Variants in PCDHA3 observed in about 807,000 individuals in gnomAD.
PCDHA3 encodes the protein protocadherin alpha 3.
A neutral mutation model predicts 62.2 loss-of-function variants in PCDHA3; 41 were observed. The observed-to-expected ratio is 0.66, with a 90% CI of 0.51 to 0.86. PCDHA3 has a LOEUF of 0.86. Ranked by LOEUF, PCDHA3 falls within the 40% of genes least tolerant of loss-of-function variation. The probability of loss-of-function intolerance (pLI) is 0.00; values close to 1 mark genes in which losing one functional copy is unlikely to be tolerated. For missense variants in PCDHA3, 1,304 were observed against 1,241.2 expected, an observed-to-expected ratio of 1.05 and a Z score of -0.76; for synonymous variants, 640 against 555.4, an observed-to-expected ratio of 1.15 and a Z score of -2.14.
chr5:140,930,037 GC>G (rs2086548182), intron 1 of PCDHA3: 6 of 152,140 alleles, frequency 3.9e-5, no homozygotes, highest in African/African-American at 1.4e-4. Flanking sequence ...TTTTGTAACT[GC>G]TTTGGAGTTT....
chr5:140,871,358 A>T, intron 1 of PCDHA3: 6 of 1,614,208 alleles, frequency 3.7e-6, no homozygotes, highest in Non-Finnish European at 5.1e-6. Context: ...TACTCGCAGC[A>T]GAGGCGGCAG....
intron 1 of PCDHA3, chr5:140,875,825 A>G: frequency 6.2e-7 from 1 of 1,614,174 alleles, no homozygotes; most frequent in East Asian, 2.2e-5. Flanking sequence ...CAGGTTTTCC[A>G]TGTGGACGTG....
chr5:140,941,820 C>T (rs2093176252), intron 1 of PCDHA3, among the ~76,000 whole-genome samples: 1 of 152,160 alleles, frequency 6.6e-6, no homozygotes, highest in Non-Finnish European at 1.5e-5. Flanking sequence ...AGGATGACTG[C>T]TGTAAATAAT....
chr5:140,835,537 T>TTGCTCCCTG lies in PCDHA3; in HGVS notation c.2394+31947_2394+31948insGCTCCCTGT. On this transcript the variant is annotated intron_variant, in intron 1 of 3. Transcript: ENST00000522353. ...CGAGATTTTGGAGTCAACGGACAGG[T>TTGCTCCCTG]TACCTGCTCCCTGACGCCCCGCGTT... The TTGCTCCCTG allele has an allele frequency of 1.9e-6, 3 of 1,613,926 alleles. No individual in the cohort carries two copies. In the East Asian group the frequency reaches 6.7e-5, roughly 36 times the overall value.
chr5:140,838,077 A>AGT (rs2150283763), intron 1 of PCDHA3, among the ~76,000 whole-genome samples: 1,310 of 80,648 alleles, frequency 0.016, 14 homozygotes, highest in South Asian at 0.044. Context: ...ATATATATAT[A>AGT]GTGTGTGTGT....
intron 1 of PCDHA3, chr5:140,828,964 C>A: frequency 6.2e-7 from 1 of 1,614,150 alleles, no homozygotes. Flanking sequence ...TGGTTATTGA[C>A]CACTTTAGCA....
chr5:141,009,760 A>G lies in PCDHA3; in HGVS notation c.2676A>G (p.Gly892=), dbSNP rs782167920. The change falls in exon 4 of 4, where the codon GGA becomes GGG. Residue 892 remains glycine, a synonymous_variant. Coordinates refer to ENST00000522353, the MANE Select transcript of PCDHA3 (RefSeq NM_018906.3). ...GELPDKFIIP[G]SPAIISIRQE... ...TGCCCGACAAATTCATTATCCCAGGATCTCCTGCAATCATCTCCATCCGGC... is the reference window on the plus strand; with the variant it reads ...TGCCCGACAAATTCATTATCCCAGGGTCTCCTGCAATCATCTCCATCCGGC... 6.2e-7 allele frequency: 1 copy of G among 1,614,130 alleles called. No homozygotes were observed. Among genetic ancestry groups the G allele is most frequent in the Non-Finnish European group, 8.5e-7 (1 of 1,180,026 alleles).
In PCDHA3 at chr5:140,877,219, C is replaced by T. The variant is rs200698690; in HGVS notation, c.2394+73628C>T. 9 of 1,613,720 alleles carry T rather than the reference C, an allele frequency of 5.6e-6. No homozygotes were observed. Among genetic ancestry groups the T allele is most frequent in the East Asian group, 4.5e-5 (2 of 44,860 alleles). Reference sequence around the variant, plus strand: ...AGGCGCAGTTAGCGAGTTGGTACCGCGGTCGGTGGGTGCGGGCCACGTGGT... The same window carrying T: ...AGGCGCAGTTAGCGAGTTGGTACCGTGGTCGGTGGGTGCGGGCCACGTGGT... On this transcript the variant is annotated intron_variant, in intron 1 of 3. Transcript: ENST00000522353.
chr5:140,946,517 G>A (rs138420578), intron 1 of PCDHA3, among the ~76,000 whole-genome samples: 8 of 151,024 alleles, frequency 5.3e-5, no homozygotes, highest in Admixed American at 1.3e-4. Flanking sequence ...AGACCTATCC[G>A]CACTCCCATG....
intron 1 of PCDHA3, among the ~76,000 whole-genome samples, chr5:140,916,255 C>G (rs1161014900): frequency 6.6e-6 from 1 of 152,144 alleles, no homozygotes. Context: ...ACTTGGGGAC[C>G]CCAAGAGCAT....
At position 140,802,800 on chromosome 5, in the gene PCDHA3, G is replaced by T; in HGVS notation, c.1603G>T (p.Val535Leu). Residue 535 changes from valine (V) to leucine (L), a missense_variant, in exon 1 of 4, where the codon GTG (valine) becomes TTG (leucine). Val to Leu is a conservative substitution (Grantham distance 32, BLOSUM62 1). Transcript: ENST00000522353. The part of the protein sequence containing the change: ...HEELELLQFQ[V>L]SARDAGVPPL... ...GGAGCTAGAGCTGCTGCAGTTCCAG[G>T]TGAGTGCGCGCGATGCGGGCGTGCC... 1 of 1,613,520 alleles carries T rather than the reference G, an allele frequency of 6.2e-7. No individual in the cohort carries two copies. Among genetic ancestry groups the T allele is most frequent in the Non-Finnish European group, 8.5e-7 (1 of 1,179,926 alleles).
chr5:140,879,685 A>G (rs2058084553), intron 1 of PCDHA3, among the ~76,000 whole-genome samples: 1 of 152,266 alleles, frequency 6.6e-6, no homozygotes, highest in East Asian at 1.9e-4. Flanking sequence ...GCTGTAAAAC[A>G]GCAAAAGTTT....
intron 3 of PCDHA3, among the ~76,000 whole-genome samples, chr5:140,998,018 G>A (rs575495303): frequency 2.0e-5 from 3 of 152,170 alleles, no homozygotes; most frequent in Admixed American, 6.5e-5. Flanking sequence ...TCCCCACCTC[G>A]AGCTAGTGCT....
chr5:140,985,902 T>G (rs1026675848), intron 3 of PCDHA3, among the ~76,000 whole-genome samples: 2 of 151,212 alleles, frequency 1.3e-5, no homozygotes, highest in Non-Finnish European at 2.9e-5. Flanking sequence ...ACCACTCCCG[T>G]CTAATTTTTT....
chr5:140,938,875 C>T (rs2092238013), intron 1 of PCDHA3, among the ~76,000 whole-genome samples: 1 of 151,912 alleles, frequency 6.6e-6, no homozygotes. Flanking sequence ...AGTTAAGAAG[C>T]AACACACACA....
chr5:140,840,441 T>C (rs1163219857), intron 1 of PCDHA3, among the ~76,000 whole-genome samples: 1 of 151,848 alleles, frequency 6.6e-6, no homozygotes, highest in Non-Finnish European at 1.5e-5. Context: ...GCCGTGGAAA[T>C]AGAAACGTTA....
intron 1 of PCDHA3, chr5:140,877,301 A>T (rs2057007244): frequency 6.2e-7 from 1 of 1,613,758 alleles, no homozygotes; most frequent in African/African-American, 1.3e-5. Flanking sequence ...CTGTCCTACG[A>T]GTTGCAACCG....
chr5:140,849,948 CAGG>C (rs1562462413), intron 1 of PCDHA3: 1 of 1,597,844 alleles, frequency 6.3e-7, no homozygotes, highest in Admixed American at 1.7e-5. Flanking sequence ...CGCTGACGCG[CAGG>C]AGAACGCCCT....
At chr5:140,922,863 G>A (rs1429324543) in intron 1 of PCDHA3, among the ~76,000 whole-genome samples, 10 of 152,160 alleles carry the variant, frequency 6.6e-5, no homozygotes, top group Admixed American at 5.2e-4. Context: ...ACATAGACAA[G>A]GGGAAAAAAT....
Sources: allele counts gnomAD v4.1 joint callset (sites outside exome capture counted in the v4.1 genomes callset), GRCh38; gene constraint gnomAD v4.1.1; transcripts MANE v1.5; gene names NCBI Gene and HGNC (gene_info 2026-07-23, HGNC 2026-07-21).